The following GPR158 variants were observed in gnomAD, a reference collection of about 807,000 sequenced individuals.
GPR158 encodes the protein G protein-coupled receptor 158.
Under a neutral mutation model 78.2 loss-of-function variants are expected in GPR158, and 30 were observed. The observed-to-expected ratio is 0.38, with a 90% CI of 0.29 to 0.52. The LOEUF (loss-of-function observed/expected upper bound fraction) is 0.52. Among genes scored for constraint, GPR158 ranks in the 20% least tolerant of loss-of-function variants. The probability of loss-of-function intolerance (pLI) is 0.83; values close to 1 mark genes in which losing one functional copy is unlikely to be tolerated. For synonymous variants in GPR158, 581 were observed against 591.1 expected (o/e 0.98, Z 0.25); for missense variants, 1,463 against 1,523.5 (o/e 0.96, Z 0.66).
At chr10:25,313,559 T>C (rs1335015986) in intron 2 of GPR158, among the ~76,000 whole-genome samples, 1 of 152,142 alleles carries the variant, frequency 6.6e-6, no homozygotes, top group Non-Finnish European at 1.5e-5. Context: ...ATGGATGTTA[T>C]ATTTTCCCAA....
intron 6 of GPR158, among the ~76,000 whole-genome samples, chr10:25,568,272 C>T (rs980748288): frequency 2.6e-5 from 4 of 152,034 alleles, no homozygotes; most frequent in African/African-American, 9.7e-5. Flanking sequence ...AGATGGGGAG[C>T]CGTTGGAGTT....
chr10:25,263,394 A>C (rs1315374850), intron 2 of GPR158, among the ~76,000 whole-genome samples: 1 of 152,118 alleles, frequency 6.6e-6, no homozygotes, highest in East Asian at 1.9e-4. Context: ...TCTTTTCCTA[A>C]TACCACACTG....
At chr10:25,437,344 A>G (rs7081326) in intron 4 of GPR158, among the ~76,000 whole-genome samples, 106,081 of 151,568 alleles carry the variant, frequency 0.7, 38,109 homozygotes, top group Non-Finnish European at 0.8. Flanking sequence ...TCCCACCCCA[A>G]CCTCCTGAGT....
chr10:25,422,876 C>CTTGT (rs1834770634), intron 4 of GPR158, among the ~76,000 whole-genome samples: 1 of 124,154 alleles, frequency 8.1e-6, no homozygotes, highest in Non-Finnish European at 1.8e-5. Context: ...CCCCCAAGTC[C>CTTGT]CCAAAGTTCA....
chr10:25,356,370 T>C (rs911273334), intron 2 of GPR158, among the ~76,000 whole-genome samples: 1 of 152,020 alleles, frequency 6.6e-6, no homozygotes, highest in African/African-American at 2.4e-5. Context: ...ACTGCCATTT[T>C]GGAATCTGAA....
At chr10:25,342,167 T>G (rs1855312357) in intron 2 of GPR158, among the ~76,000 whole-genome samples, 1 of 152,050 alleles carries the variant, frequency 6.6e-6, no homozygotes, top group South Asian at 2.1e-4. Flanking sequence ...TTCTTATTTC[T>G]TCCACTTCAC....
intron 2 of GPR158, among the ~76,000 whole-genome samples, chr10:25,227,713 A>G (rs1853393220): frequency 1.3e-5 from 2 of 152,194 alleles, no homozygotes; most frequent in African/African-American, 4.8e-5. Context: ...AATTTAAAAG[A>G]TATCATTGCA....
Position 25,196,852 on chromosome 10 carries a change from C to T in GPR158, c.902+20530C>T, listed in dbSNP as rs979888551. Among the ~76,000 whole-genome samples the T allele has an allele frequency of 2.6e-5, 4 of 152,176 alleles. No individual in the cohort carries two copies. In the East Asian group the frequency reaches 7.7e-4, roughly 29 times the overall value. On this transcript the variant is annotated intron_variant, in intron 1 of 10. Transcript: ENST00000376351. ...TGTATCTGTTTAGAAGTAAGTCCTT[C>T]ATTTAATCACCTTGATGCCTGCTTT... is the stretch of plus-strand genomic sequence containing the variant.
rs914832715 is a variant in GPR158, at chr10:25,375,911, G to A, written c.1009-20000G>A. On this transcript the variant is annotated intron_variant, in intron 2 of 10. Coordinates refer to ENST00000376351, the MANE Select transcript of GPR158 (RefSeq NM_020752.3). ...AATGTAAGTTAATAAGGTTCCTTAT[G>A]TATACAAAATATATAGTGGGATTTG... Among the ~76,000 whole-genome samples the A allele has an allele frequency of 6.1e-4, 93 of 151,476 alleles. 1 individual carries two copies. Among genetic ancestry groups the A allele is most frequent in the Non-Finnish European group, 1.2e-3 (80 of 67,602 alleles).
chr10:25,515,313 C>T lies in GPR158; in HGVS notation c.1405-35663C>T, dbSNP rs111815857. Among the ~76,000 whole-genome samples, 778 of 151,688 alleles carry T rather than the reference C, an allele frequency of 5.1e-3. 6 individuals carry two copies. Among genetic ancestry groups the T allele is most frequent in the Non-Finnish European group, 7.6e-3 (517 of 67,930 alleles). On this transcript the variant is annotated intron_variant, in intron 5 of 10. Transcript: ENST00000376351. ...AGACTTTCCAGTGCATTTTGCATTT[C>T]GCTAAGTATGTCCTTCATTTTTAGA...
intron 5 of GPR158, among the ~76,000 whole-genome samples, chr10:25,543,315 T>C (rs1015621692): frequency 1.3e-5 from 2 of 152,064 alleles, no homozygotes; most frequent in Non-Finnish European, 2.9e-5. Flanking sequence ...GAGGTAGGGT[T>C]TCACCATGTT....
chr10:25,241,284 CTTTTCT>C (rs1564399572), intron 2 of GPR158, among the ~76,000 whole-genome samples: 4 of 109,008 alleles, frequency 3.7e-5, no homozygotes, highest in African/African-American at 1.8e-4. Context: ...TTCTTTCTTT[CTTTTCT>C]TTTCTTTTCT....
At chr10:25,403,584 A>C (rs1834473486) in intron 3 of GPR158, among the ~76,000 whole-genome samples, 1 of 152,066 alleles carries the variant, frequency 6.6e-6, no homozygotes, top group Admixed American at 6.6e-5. Flanking sequence ...CATTCTGTGC[A>C]TGGAGGATGT....
intron 3 of GPR158, among the ~76,000 whole-genome samples, chr10:25,401,661 T>A (rs1834447542): frequency 6.6e-6 from 1 of 152,064 alleles, no homozygotes; most frequent in Admixed American, 6.6e-5. Context: ...ATTAGAGACT[T>A]ATTTATATTA....
intron 6 of GPR158, among the ~76,000 whole-genome samples, chr10:25,558,167 A>G (rs534061111): frequency 6.4e-4 from 97 of 152,356 alleles, no homozygotes; most frequent in African/African-American, 2.3e-3. Context: ...CCATATCTGA[A>G]ACCCAAGATT....
chr10:25,338,438 T>A (rs1855244978), intron 2 of GPR158, among the ~76,000 whole-genome samples: 1 of 144,884 alleles, frequency 6.9e-6, no homozygotes, highest in East Asian at 2.0e-4. Flanking sequence ...TATATACGTA[T>A]TATATATACG....
At chr10:25,571,577 A>G (rs72788301) in intron 6 of GPR158, among the ~76,000 whole-genome samples, 1,644 of 152,346 alleles carry the variant, frequency 0.011, 17 homozygotes, top group Non-Finnish European at 0.017. Flanking sequence ...AGATACTCTC[A>G]CAGTATCATA....
intron 2 of GPR158, among the ~76,000 whole-genome samples, chr10:25,340,870 C>T (rs936923936): frequency 2.0e-5 from 3 of 151,854 alleles, no homozygotes; most frequent in Admixed American, 6.6e-5. Flanking sequence ...CTATTAACTC[C>T]AAAGAAGTAC....
intron 2 of GPR158, among the ~76,000 whole-genome samples, chr10:25,346,638 A>G (rs1034248967): frequency 2.6e-5 from 4 of 151,836 alleles, no homozygotes; most frequent in Non-Finnish European, 4.4e-5. Context: ...TTGAAGTGCC[A>G]TTTCTGATAT....
Sources: allele counts gnomAD v4.1 joint callset (sites outside exome capture counted in the v4.1 genomes callset), GRCh38; gene constraint gnomAD v4.1.1; transcripts MANE v1.5; gene names NCBI Gene and HGNC (gene_info 2026-07-23, HGNC 2026-07-21).